Variants in GLI2 observed in about 807,000 individuals in gnomAD.
GLI2 encodes the protein GLI family zinc finger 2.
Under a neutral mutation model 78.9 loss-of-function variants are expected in GLI2, and 22 were observed. That is an observed-to-expected ratio of 0.28 (90% CI 0.20 to 0.40). The LOEUF (loss-of-function observed/expected upper bound fraction) is 0.40, where lower values mean the gene tolerates loss of function less well. GLI2 is among the 10% of genes least tolerant of loss of function. GLI2 has a pLI of 1.00. For missense variants in GLI2, 2,097 were observed against 2,213.2 expected, an observed-to-expected ratio of 0.95 and a Z score of 1.05; for synonymous variants, 974 against 963.7, an observed-to-expected ratio of 1.01 and a Z score of -0.20.
chr2:120,978,689 G>T (rs983735235), intron 10 of GLI2, 106 bp downstream of exon 10: 2 of 1,253,786 alleles, frequency 1.6e-6, no homozygotes, highest in African/African-American at 3.0e-5. Context: ...ACCTGGGTGG[G>T]GCAGACCACA....
At chr2:120,788,219 G>A (rs1684051437) in intron 1 of GLI2, among the ~76,000 whole-genome samples, 1 of 152,230 alleles carries the variant, frequency 6.6e-6, no homozygotes, top group Admixed American at 6.5e-5. Context: ...GCACTCACTG[G>A]CCTCCAGCTG....
Position 120,906,964 on chromosome 2 carries a change from G to A in GLI2, c.149-20397G>A, listed in dbSNP as rs12991997. Among the ~76,000 whole-genome samples, 574 of 152,272 alleles carry A rather than the reference G, an allele frequency of 3.8e-3. 2 individuals carry two copies. The highest frequency in any genetic ancestry group is 5.7e-3 in the Non-Finnish European group (386 of 68,024). On this transcript the variant is annotated intron_variant, in intron 2 of 13. Transcript: ENST00000361492. Reference sequence around the variant, plus strand: ...ACCCAGTGGTCACAAGGTAAGACCAGTGTCTTAATTCATCCCCTTGTCTGC... The same window carrying A: ...ACCCAGTGGTCACAAGGTAAGACCAATGTCTTAATTCATCCCCTTGTCTGC...
At chr2:120,984,847 GGGCAC>G in intron 12 of GLI2, 104 bp downstream of exon 12, 1 of 1,189,888 alleles carries the variant, frequency 8.4e-7, no homozygotes, top group Middle Eastern at 2.7e-4. Flanking sequence ...CCCCCTCTAG[GGGCAC>G]AGCGATATCC....
At position 120,867,240 on chromosome 2, in the gene GLI2, C is replaced by G. The variant is rs1365216464; in HGVS notation, c.149-60121C>G. 3 of 152,206 alleles carry G rather than the reference C, an allele frequency of 2.0e-5. No homozygotes were observed. In the East Asian group the frequency reaches 5.8e-4, roughly 29 times the overall value. The allele number at this position is 152,206 out of a possible 1,614,324, so 9.4% of individuals were successfully genotyped here. A position where few individuals can be genotyped will look rare whatever the true frequency, so the allele number is the denominator to read the frequency against. On this transcript the variant is annotated intron_variant, in intron 2 of 13. Transcript: ENST00000361492. ...AGACCCTGGAGGGCAGCCGCTGCCC[C>G]TGGAAGGCATGCCGACGTCAGCTTC...
intron 2 of GLI2, among the ~76,000 whole-genome samples, chr2:120,855,228 C>G (rs578187677): frequency 6.6e-6 from 1 of 152,296 alleles, no homozygotes; most frequent in African/African-American, 2.4e-5. Context: ...GAAAATGGTC[C>G]CTGGGAGGTC....
intron 2 of GLI2, among the ~76,000 whole-genome samples, chr2:120,826,721 G>A (rs1686081463): frequency 6.6e-6 from 1 of 152,212 alleles, no homozygotes. Flanking sequence ...CCAGGCCCAT[G>A]GGATTCCAAT....
At chr2:120,812,620 A>C (rs542850255) in intron 2 of GLI2, among the ~76,000 whole-genome samples, 1 of 151,950 alleles carries the variant, frequency 6.6e-6, no homozygotes, top group East Asian at 1.9e-4. Flanking sequence ...GCCTCTCCCT[A>C]CCCTCACACC....
intron 1 of GLI2, among the ~76,000 whole-genome samples, chr2:120,768,130 C>T (rs115696641): frequency 0.017 from 2,647 of 152,358 alleles, 72 homozygotes; most frequent in African/African-American, 0.059. Context: ...GCTGCAGCAT[C>T]TACCCTGGAA....
intron 10 of GLI2, 121 bp from the exon 11 acceptor site, chr2:120,982,595 A>G: frequency 6.6e-6 from 5 of 754,420 alleles, no homozygotes; most frequent in South Asian, 3.8e-5. Flanking sequence ...CTTAAAATGC[A>G]TGCTTCTGAG....
intron 2 of GLI2, among the ~76,000 whole-genome samples, chr2:120,906,941 C>T (rs1678564640): frequency 1.3e-5 from 2 of 152,182 alleles, no homozygotes; most frequent in South Asian, 4.1e-4. Context: ...CATCTGTCAC[C>T]CAGTGGTCAC....
At chr2:120,857,343 G>GCCCACCCACCCACGGA (rs749893552) in intron 2 of GLI2, among the ~76,000 whole-genome samples, 3 of 99,632 alleles carry the variant, frequency 3.0e-5, no homozygotes, top group African/African-American at 1.3e-4. Context: ...CTACCCATCT[G>GCCCACCCACCCACGGA]CCCACCCACC....
At chr2:120,927,647 G>A (rs965341530) in intron 3 of GLI2, among the ~76,000 whole-genome samples, 181 bp downstream of exon 3, 6 of 152,208 alleles carry the variant, frequency 3.9e-5, no homozygotes, top group African/African-American at 9.7e-5. Flanking sequence ...GAGCATGTGC[G>A]TGGGCAGTGT....
Position 120,986,406 on chromosome 2 carries a change from G to A in GLI2, c.2034G>A (p.Thr678=), listed in dbSNP as rs139298853. 1,023 of 1,613,770 alleles carry A rather than the reference G, an allele frequency of 6.3e-4. 3 individuals carry two copies. The highest frequency in any genetic ancestry group is 8.1e-4 in the Non-Finnish European group (952 of 1,179,992). Residue 678 remains threonine (T), a synonymous_variant, in exon 13 of 14, where the codon ACG becomes ACA. Transcript: ENST00000361492. Reference sequence around the variant, plus strand: ...GGCCCGGGAGCCTGGGAGACCTGACGGCACTGGATGACACACCCCCAGGGG... The same window carrying A: ...GGCCCGGGAGCCTGGGAGACCTGACAGCACTGGATGACACACCCCCAGGGG... ...GTGPGSLGDL[T]ALDDTPPGAD... is the part of the protein sequence containing the mutation.
intron 2 of GLI2, among the ~76,000 whole-genome samples, chr2:120,910,683 C>G (rs979513925): frequency 6.6e-6 from 1 of 152,184 alleles, no homozygotes; most frequent in Non-Finnish European, 1.5e-5. Flanking sequence ...CCATTTTTAA[C>G]GCCAGTCAGA....
At chr2:120,909,976 G>A (rs571339629) in intron 2 of GLI2, among the ~76,000 whole-genome samples, 5 of 152,228 alleles carry the variant, frequency 3.3e-5, no homozygotes, top group Non-Finnish European at 4.4e-5. Flanking sequence ...ATAAGGGACC[G>A]ATGACTGAAG....
intron 1 of GLI2, among the ~76,000 whole-genome samples, chr2:120,785,330 C>G (rs759255538): frequency 3.3e-5 from 5 of 152,178 alleles, no homozygotes; most frequent in African/African-American, 7.2e-5. Context: ...GCAGGGCACT[C>G]CTGTTGGCTT....
At chr2:120,812,487 C>T (rs1685298783) in intron 2 of GLI2, among the ~76,000 whole-genome samples, 2 of 152,180 alleles carry the variant, frequency 1.3e-5, no homozygotes, top group Admixed American at 1.3e-4. Context: ...GATTACGATC[C>T]ACAGGGTCAT....
At chr2:120,791,377 A>T (rs1384597879) in intron 1 of GLI2, among the ~76,000 whole-genome samples, 1 of 152,160 alleles carries the variant, frequency 6.6e-6, no homozygotes, top group Non-Finnish European at 1.5e-5. Flanking sequence ...CAGTGGAGAC[A>T]GTGGTGTGAG....
At chr2:120,956,123 C>T (rs962128779) in intron 5 of GLI2, among the ~76,000 whole-genome samples, 3 of 152,072 alleles carry the variant, frequency 2.0e-5, no homozygotes, top group Admixed American at 6.5e-5. Context: ...GGGGGCAAGA[C>T]GGAGGCAGGA....
Sources: gnomAD v4.1 joint callset for allele counts (sites outside exome capture counted in the v4.1 genomes callset) on GRCh38, gnomAD v4.1.1 for gene constraint, MANE v1.5 for transcripts, NCBI Gene and HGNC (gene_info 2026-07-23, HGNC 2026-07-21) for gene names.